B4GALNT2: variants seen among roughly 807,000 people sequenced by gnomAD.
B4GALNT2 encodes beta-1,4-N-acetyl-galactosaminyltransferase 2 (SID blood group).
A neutral mutation model predicts 51.1 loss-of-function variants in B4GALNT2; 42 were observed. That is an observed-to-expected ratio of 0.82 (90% CI 0.64 to 1.06). B4GALNT2 has a LOEUF of 1.06. Ranked by LOEUF, B4GALNT2 falls within the 50% of genes least tolerant of loss-of-function variation. The probability of loss-of-function intolerance (pLI) is 0.00; values close to 1 mark genes in which losing one functional copy is unlikely to be tolerated. For synonymous variants in B4GALNT2, 253 were observed against 251.7 expected (o/e 1.01, Z -0.05); for missense variants, 602 against 633.6 (o/e 0.95, Z 0.54).
At position 49,165,105 on chromosome 17, in the gene B4GALNT2, T is replaced by A. The variant is rs192651521; in HGVS notation, c.954+830T>A. The stretch of plus-strand genomic sequence containing the variant: ...CTGGGATTACAGGCGTGAGCCACTG[T>A]ACACTGCTCCCATCTTTCCTCATTT... On this transcript the variant is annotated intron_variant, in intron 8 of 10. Transcript: ENST00000393354. 2.6e-5 allele frequency among the ~76,000 whole-genome samples: 4 copies of A among 152,122 alleles called. No homozygotes were observed. The East Asian group carries it at 7.7e-4, about 29-fold the overall frequency.
At chr17:49,165,034 G>A (rs186589686) in intron 8 of B4GALNT2, among the ~76,000 whole-genome samples, 2 of 151,918 alleles carry the variant, frequency 1.3e-5, no homozygotes, top group African/African-American at 2.4e-5. Flanking sequence ...GGTTGGTCTC[G>A]AACTCCTGGG....
intron 5 of B4GALNT2, 137 bp downstream of exon 5, chr17:49,156,740 G>T: frequency 1.0e-6 from 1 of 1,000,040 alleles, no homozygotes; most frequent in Non-Finnish European, 1.5e-6. Context: ...GGGGATGGAA[G>T]GGTGTGTAGA....
chr17:49,154,451 A>T (rs866890463), intron 4 of B4GALNT2, among the ~76,000 whole-genome samples: 5 of 152,184 alleles, frequency 3.3e-5, no homozygotes, highest in Admixed American at 6.5e-5. Flanking sequence ...GCAGGCACAG[A>T]TGTCCCCTCC....
At chr17:49,141,220 A>G (rs2144281829) in intron 1 of B4GALNT2, 27 bp from the exon 2 acceptor site, 1 of 1,596,956 alleles carries the variant, frequency 6.3e-7, no homozygotes, top group Non-Finnish European at 8.6e-7. Flanking sequence ...AGATTTTAAC[A>G]TAATCTGTTC....
Position 49,168,533 on chromosome 17 carries a change from G to A in B4GALNT2, c.1096-148G>A, listed in dbSNP as rs188224117. On this transcript the variant is annotated intron_variant, in intron 9 of 10. Transcript: ENST00000393354. ...TGAAAGCCATGGCCACAGCAGCAAC[G>A]AGGGAGTAACTGAGGGATAATTTGA... is the stretch of plus-strand genomic sequence containing the variant. 5.2e-5 allele frequency: 43 copies of A among 823,884 alleles called. No homozygotes were observed. The East Asian group carries it at 9.9e-4, about 19-fold the overall frequency. 51.0% of individuals were successfully genotyped at this position (823,884 alleles called of 1,614,324 possible). A position where few individuals can be genotyped will look rare whatever the true frequency, so the allele number is the denominator to read the frequency against.
intron 1 of B4GALNT2, 124 bp from the exon 2 acceptor site, chr17:49,141,123 G>C: frequency 1.2e-6 from 1 of 842,728 alleles, no homozygotes. Flanking sequence ...ATCAGAAATC[G>C]ATTTTAGTGA....
the B4GALNT2 span, among the ~76,000 whole-genome samples, chr17:49,124,858 A>G: frequency 6.6e-6 from 1 of 152,206 alleles, no homozygotes; most frequent in Non-Finnish European, 1.5e-5. Flanking sequence ...TTTTATTTTA[A>G]TGCTCAATTT....
At chr17:49,154,435 G>T (rs575932194) in intron 4 of B4GALNT2, among the ~76,000 whole-genome samples, 1 of 152,196 alleles carries the variant, frequency 6.6e-6, no homozygotes, top group East Asian at 1.9e-4. Flanking sequence ...CCAGAAGGAT[G>T]AGCCTGCAGG....
chr17:49,168,934 G>A (rs1444404160), intron 10 of B4GALNT2, 34 bp downstream of exon 10: 1 of 1,591,540 alleles, frequency 6.3e-7, no homozygotes, highest in Admixed American at 1.7e-5. Flanking sequence ...GAGGGAGCTG[G>A]GCTGGGAATT....
intron 1 of B4GALNT2, among the ~76,000 whole-genome samples, chr17:49,138,679 C>T (rs2042612734): frequency 6.6e-6 from 1 of 152,162 alleles, no homozygotes; most frequent in Non-Finnish European, 1.5e-5. Flanking sequence ...GTATTTGAGA[C>T]CAGCCTGGCC....
chr17:49,131,833 G>A (rs933874096), upstream of B4GALNT2, among the ~76,000 whole-genome samples: 2 of 151,952 alleles, frequency 1.3e-5, no homozygotes, highest in Non-Finnish European at 2.9e-5. Flanking sequence ...CATTTTGCAC[G>A]CCATATTTAA....
chr17:49,139,678 G>A (rs2042622393), intron 1 of B4GALNT2, among the ~76,000 whole-genome samples: 1 of 152,008 alleles, frequency 6.6e-6, no homozygotes, highest in East Asian at 1.9e-4. Context: ...CACGGTGCTT[G>A]GCTATTTTTC....
the B4GALNT2 span, among the ~76,000 whole-genome samples, chr17:49,122,561 C>T: frequency 6.6e-6 from 1 of 152,198 alleles, no homozygotes; most frequent in Non-Finnish European, 1.5e-5. Flanking sequence ...TGGGATGACC[C>T]ATGCTATGAT....
chr17:49,134,995 C>T (rs528424340), intron 1 of B4GALNT2, among the ~76,000 whole-genome samples: 42 of 152,274 alleles, frequency 2.8e-4, no homozygotes, highest in African/African-American at 1.0e-3. Context: ...CCTTGGACTT[C>T]CTAGTGTTCA....
chr17:49,144,354 C>T (rs543298267), intron 3 of B4GALNT2, among the ~76,000 whole-genome samples: 1 of 152,246 alleles, frequency 6.6e-6, no homozygotes, highest in Admixed American at 6.5e-5. Context: ...GTGGAAGGCT[C>T]CCCAGAAGAC....
chr17:49,144,330 C>T lies in B4GALNT2; in HGVS notation c.353+2158C>T, dbSNP rs553772402. On this transcript the variant is annotated intron_variant, in intron 3 of 10. Transcript: ENST00000393354. The stretch of plus-strand genomic sequence containing the variant: ...TCAAACCATAGTAGCCACTACCCTC[C>T]AAATTACATGCAAGTGGAAGGCTCC... 5.9e-5 allele frequency among the ~76,000 whole-genome samples: 9 copies of T among 152,276 alleles called. No homozygotes were observed. The East Asian group carries it at 1.7e-3, about 29-fold the overall frequency.
rs756786091 is a variant in B4GALNT2 at position 49,169,648 on chromosome 17, T to C, written c.1441T>C (p.Tyr481His). The C allele has an allele frequency of 6.2e-6, 10 of 1,612,448 alleles. No homozygotes were observed. In the East Asian group the frequency reaches 2.2e-4, roughly 36 times the overall value. The part of the protein sequence containing the change: ...LAALEKTYNT[Y>H]RSNTLTRVQF... ...TGCCCTAGAGAAGACCTACAATACA[T>C]ACCGGTCCAACACCCTCACCCGGGT... Residue 481 changes from tyrosine (Y) to histidine (H), a missense_variant, in exon 11 of 11, where the codon TAC (tyrosine) becomes CAC (histidine). By Grantham distance (83) the Tyr-to-His change is moderately conservative. Transcript: ENST00000393354.
At chr17:49,142,719 C>G (rs2042656362) in intron 3 of B4GALNT2, among the ~76,000 whole-genome samples, 1 of 151,708 alleles carries the variant, frequency 6.6e-6, no homozygotes, top group Non-Finnish European at 1.5e-5. Context: ...AAAACAAAAA[C>G]AAAAACAAAA....
chr17:49,168,771 T>C lies in B4GALNT2; in HGVS notation c.1186T>C (p.Phe396Leu). 1.2e-6 allele frequency: 2 copies of C among 1,613,976 alleles called. No homozygotes were observed. Among genetic ancestry groups the C allele is most frequent in the Non-Finnish European group, 1.7e-6 (2 of 1,179,988 alleles). Residue 396 changes from phenylalanine to leucine, a missense_variant, in exon 10 of 11, where the codon TTT (phenylalanine) becomes CTT (leucine). Physicochemically the swap from Phe to Leu is conservative, Grantham distance 22. Transcript: ENST00000393354. Reference sequence around the variant, plus strand: ...GGCCTGCCTTCACAAGAGGATGGGATTTTTCCAACCCCTGGATGGCTTCCC... The same window carrying C: ...GGCCTGCCTTCACAAGAGGATGGGACTTTTCCAACCCCTGGATGGCTTCCC... The part of the protein sequence containing the change: ...NGACLHKRMG[F>L]FQPLDGFPSC...
Sources: gnomAD v4.1 joint callset for allele counts (sites outside exome capture counted in the v4.1 genomes callset) on GRCh38, gnomAD v4.1.1 for gene constraint, MANE v1.5 for transcripts, NCBI Gene and HGNC (gene_info 2026-07-23, HGNC 2026-07-21) for gene names.